CCDC93: variants seen among roughly 807,000 people sequenced by gnomAD.
CCDC93 encodes coiled-coil domain-containing protein 93.
CCDC93 carries 61 observed loss-of-function variants against 108.2 expected under a neutral mutation model. The observed-to-expected ratio is 0.56, with a 90% confidence interval of 0.46 to 0.70. The LOEUF is 0.70. Among genes scored for constraint, CCDC93 ranks in the 30% least tolerant of loss-of-function variants. The pLI is 0.00. For synonymous variants in CCDC93, 276 were observed against 260.4 expected, an observed-to-expected ratio of 1.06 and a Z score of -0.58; for missense variants, 685 against 764.2, an observed-to-expected ratio of 0.90 and a Z score of 1.22.
At chr2:117,979,124 A>G (rs1680035542) in intron 7 of CCDC93, among the ~76,000 whole-genome samples, 2 of 152,178 alleles carry the variant, frequency 1.3e-5, no homozygotes, top group African/African-American at 4.8e-5. Flanking sequence ...CTTCCTGCCC[A>G]TTCCTTGTCC....
At chr2:117,994,926 G>A (rs755976737) in intron 6 of CCDC93, among the ~76,000 whole-genome samples, 1 of 152,172 alleles carries the variant, frequency 6.6e-6, no homozygotes. Flanking sequence ...GGCCCAGAGT[G>A]TTTTATAAAG....
chr2:117,920,291 T>C lies in CCDC93; in HGVS notation c.*52A>G, dbSNP rs996883732. 4.9e-6 allele frequency: 6 copies of C among 1,234,648 alleles called. No homozygotes were observed. Among genetic ancestry groups the C allele is most frequent in the East Asian group, 2.3e-5 (1 of 42,976 alleles). The allele number at this position is 1,234,648 out of a possible 1,614,324, so 76.5% of individuals were successfully genotyped here. On this transcript the variant is annotated 3_prime_UTR_variant, in exon 24 of 24. Transcript: ENST00000376300. ...AACCATTTCATGATCTTGTAGGTGA[T>C]ATACGGTGCTTAAAAGTAAAATCAA...
chr2:117,988,326 G>A (rs946523381), intron 6 of CCDC93, among the ~76,000 whole-genome samples: 1 of 152,012 alleles, frequency 6.6e-6, no homozygotes, highest in African/African-American at 2.4e-5. Context: ...CTCAATGCAG[G>A]GAAGGGAGGT....
chr2:117,928,512 CTCA>C (rs1171351015), intron 23 of CCDC93, among the ~76,000 whole-genome samples: 25 of 152,316 alleles, frequency 1.6e-4, no homozygotes, highest in Middle Eastern at 3.4e-3. Context: ...TGAAAAAGTG[CTCA>C]TCATCACTGG....
rs773321594 is a variant in CCDC93 at position 117,995,506 on chromosome 2, C to A, written c.463-4G>T. ...TTCTCTTTATGAAGTCATCATCCTA[C>A]AAGACAAAACAGAGCGATTAAACAA... On this transcript the variant is annotated splice_region_variant and splice_polypyrimidine_tract_variant and intron_variant, in intron 5 of 23. Transcript: ENST00000376300. The A allele has an allele frequency of 1.2e-6, 2 of 1,611,548 alleles. No individual in the cohort carries two copies. Among genetic ancestry groups the A allele is most frequent in the Admixed American group, 3.3e-5 (2 of 60,006 alleles).
rs371367598 is a variant in CCDC93, at chr2:118,000,917, T to C, written c.267A>G (p.Lys89=). 3.3e-5 allele frequency: 54 copies of C among 1,612,352 alleles called. No individual in the cohort carries two copies. The highest frequency in any genetic ancestry group is 2.9e-4 in the South Asian group (26 of 91,028). The change falls in exon 4 of 24, where the codon AAA becomes AAG. Residue 89 remains lysine, a synonymous_variant. Coordinates refer to ENST00000376300, the MANE Select transcript of CCDC93 (RefSeq NM_019044.5). ...TIGQKIALSE[K]IVSVLPRMKC... ...TCATCCTTGGCAGGACCGAGACAAT[T>C]TTTTCTGACAGAGCTCTGTTCAGAA...
At chr2:117,984,059 A>T (rs961940279) in intron 7 of CCDC93, among the ~76,000 whole-genome samples, 1 of 152,180 alleles carries the variant, frequency 6.6e-6, no homozygotes, top group Non-Finnish European at 1.5e-5. Flanking sequence ...GTCATTTTTT[A>T]ACCTTTCTGA....
At chr2:117,953,671 T>C (rs1267891366) in intron 12 of CCDC93, among the ~76,000 whole-genome samples, 6 of 147,410 alleles carry the variant, frequency 4.1e-5, no homozygotes, top group Non-Finnish European at 7.4e-5. Context: ...GTGAATGAGA[T>C]GAGTGCCCTT....
At chr2:117,986,718 T>C (rs983475244) in intron 6 of CCDC93, among the ~76,000 whole-genome samples, 1 of 152,134 alleles carries the variant, frequency 6.6e-6, no homozygotes, top group African/African-American at 2.4e-5. Flanking sequence ...CTGTAACACA[T>C]ACGATATAAT....
chr2:118,002,516 G>A (rs1202299410), intron 3 of CCDC93, among the ~76,000 whole-genome samples: 1 of 152,172 alleles, frequency 6.6e-6, no homozygotes, highest in Non-Finnish European at 1.5e-5. Context: ...GGTTAAAACT[G>A]CTGAGGACAA....
chr2:117,927,382 GC>G (rs1403644175), intron 23 of CCDC93, among the ~76,000 whole-genome samples: 1 of 152,176 alleles, frequency 6.6e-6, no homozygotes, highest in African/African-American at 2.4e-5. Context: ...CACTGTCTCA[GC>G]CCAAAATCTC....
At chr2:117,963,694 A>T (rs932153134) in intron 11 of CCDC93, among the ~76,000 whole-genome samples, 1 of 152,194 alleles carries the variant, frequency 6.6e-6, no homozygotes, top group Non-Finnish European at 1.5e-5. Context: ...AGGAGGTGTG[A>T]ACAAAATCCA....
At chr2:117,950,382 A>AT in intron 13 of CCDC93, 1 of 985,424 alleles carries the variant, frequency 1.0e-6, no homozygotes, top group Non-Finnish European at 1.2e-6. Context: ...AGCCTCACAC[A>AT]CACGAAATTA....
At chr2:117,953,820 G>A (rs1679135684) in intron 12 of CCDC93, among the ~76,000 whole-genome samples, 1 of 151,978 alleles carries the variant, frequency 6.6e-6, no homozygotes, top group African/African-American at 2.4e-5. Flanking sequence ...CTTCATCCCA[G>A]GAGGCTGAGG....
intron 23 of CCDC93, among the ~76,000 whole-genome samples, chr2:117,924,320 C>T (rs1344135764): frequency 6.6e-6 from 1 of 152,104 alleles, no homozygotes; most frequent in African/African-American, 2.4e-5. Context: ...TTCAGACGAT[C>T]AAACTACTCT....
At chr2:117,998,390 G>A (rs1680734918) in intron 4 of CCDC93, 1 of 152,136 alleles carries the variant, frequency 6.6e-6, no homozygotes, top group African/African-American at 2.4e-5. Context: ...ATAGTTAAAT[G>A]TATTTAATTT....
At chr2:117,925,318 C>G (rs571733124) in intron 23 of CCDC93, among the ~76,000 whole-genome samples, 2 of 152,244 alleles carry the variant, frequency 1.3e-5, no homozygotes, top group East Asian at 3.9e-4. Context: ...TTAAAAGACA[C>G]AGACTGGCAA....
chr2:118,002,616 G>C (rs1047201526), intron 3 of CCDC93, among the ~76,000 whole-genome samples: 1 of 152,180 alleles, frequency 6.6e-6, no homozygotes, highest in African/African-American at 2.4e-5. Flanking sequence ...ATCCCTCACT[G>C]CACACATTCA....
intron 13 of CCDC93, 145 bp from the exon 14 acceptor site, chr2:117,949,540 C>G: frequency 1.5e-6 from 1 of 675,260 alleles, no homozygotes; most frequent in Non-Finnish European, 2.5e-6. Context: ...GTAATTACAT[C>G]ATACAACAGA....
Sources: allele counts gnomAD v4.1 joint callset (sites outside exome capture counted in the v4.1 genomes callset), GRCh38; gene constraint gnomAD v4.1.1; transcripts MANE v1.5; gene names NCBI Gene and HGNC (gene_info 2026-07-23, HGNC 2026-07-21).